EPM2A: variants seen among roughly 807,000 people sequenced by gnomAD.
EPM2A encodes laforin.
EPM2A carries 21 observed loss-of-function variants against 26.5 expected under a neutral mutation model. The ratio of observed to expected loss-of-function variants is 0.79; its 90% CI spans 0.56 to 1.14. EPM2A has a LOEUF of 1.14. EPM2A is among the 50% of genes most tolerant of loss of function. The pLI is 0.00. For missense variants in EPM2A, 458 were observed against 440.8 expected, an observed-to-expected ratio of 1.04 and a Z score of -0.35; for synonymous variants, 217 against 177.6, an observed-to-expected ratio of 1.22 and a Z score of -1.76.
intron 2 of EPM2A, among the ~76,000 whole-genome samples, chr6:145,570,213 C>G (rs1051726295): frequency 6.6e-6 from 1 of 152,106 alleles, no homozygotes; most frequent in Non-Finnish European, 1.5e-5. Context: ...TACTTTGTAC[C>G]CTTCAATCCA....
At chr6:145,644,850 T>G (rs1732320859) in intron 2 of EPM2A, among the ~76,000 whole-genome samples, 1 of 152,066 alleles carries the variant, frequency 6.6e-6, no homozygotes, top group African/African-American at 2.4e-5. Flanking sequence ...CCTCCTTAAA[T>G]TACCCAAGGA....
At chr6:145,426,517 G>T (rs535523071) in intron 4 of EPM2A, among the ~76,000 whole-genome samples, 118 of 152,140 alleles carry the variant, frequency 7.8e-4, no homozygotes, top group Non-Finnish European at 1.3e-3. Context: ...GATACTAAAG[G>T]GTTGAAAATA....
At chr6:145,424,868 C>T (rs1328197548) in intron 4 of EPM2A, among the ~76,000 whole-genome samples, 1 of 152,116 alleles carries the variant, frequency 6.6e-6, no homozygotes, top group Admixed American at 6.5e-5. Context: ...CTAGTAACCC[C>T]CTAGAACTAT....
Position 145,627,053 on chromosome 6 carries a change from G to A in EPM2A, c.*363C>T, listed in dbSNP as rs1307233541. On this transcript the variant is annotated 3_prime_UTR_variant, in exon 4 of 4. Coordinates refer to ENST00000367519, the MANE Select transcript of EPM2A (RefSeq NM_005670.4). ...TATCTTTTCCTCTACATGGCCAAGA[G>A]TTTCAGTGCAACAGGAAAGTGCTGT... The A allele has an allele frequency of 2.6e-6, 3 of 1,171,118 alleles. No homozygotes were observed. The African/African-American group carries it at 4.7e-5, about 19-fold the overall frequency. The allele number at this position is 1,171,118 out of a possible 1,614,324, so 72.5% of individuals were successfully genotyped here. A position where few individuals can be genotyped will look rare whatever the true frequency, so the allele number is the denominator to read the frequency against.
intron 4 of EPM2A, among the ~76,000 whole-genome samples, chr6:145,452,263 C>T (rs548644816): frequency 1.3e-5 from 2 of 152,246 alleles, no homozygotes; most frequent in African/African-American, 4.8e-5. Flanking sequence ...AAATCACGCT[C>T]TTTTTCTTTA....
chr6:145,579,906 C>T (rs753603726), intron 2 of EPM2A, among the ~76,000 whole-genome samples: 1 of 152,086 alleles, frequency 6.6e-6, no homozygotes, highest in Non-Finnish European at 1.5e-5. Context: ...TAACATATAA[C>T]AGTCTATATT....
At chr6:145,422,890 T>C (rs1778807758) in intron 4 of EPM2A, among the ~76,000 whole-genome samples, 1 of 152,078 alleles carries the variant, frequency 6.6e-6, no homozygotes, top group Admixed American at 6.5e-5. Context: ...CACTAAAAAT[T>C]TTTTTTCTAA....
At chr6:145,684,537 T>C (rs1344159868) in intron 2 of EPM2A, among the ~76,000 whole-genome samples, 1 of 152,202 alleles carries the variant, frequency 6.6e-6, no homozygotes, top group Non-Finnish European at 1.5e-5. Flanking sequence ...TCAATATTTT[T>C]GCTTCTTCTC....
chr6:145,639,265 T>G (rs1465495430), intron 2 of EPM2A: 2 of 152,140 alleles, frequency 1.3e-5, no homozygotes, highest in East Asian at 3.9e-4. Context: ...CTATAGACTA[T>G]TTGGAGGTAA....
chr6:145,621,447 A>G (rs1775631155), downstream of EPM2A, among the ~76,000 whole-genome samples: 1 of 152,206 alleles, frequency 6.6e-6, no homozygotes, highest in South Asian at 2.1e-4. Flanking sequence ...TACTTTGGAT[A>G]TATACCCAGA....
At chr6:145,483,131 T>C in intron 4 of EPM2A, among the ~76,000 whole-genome samples, 1 of 151,396 alleles carries the variant, frequency 6.6e-6, no homozygotes, top group East Asian at 1.9e-4. Flanking sequence ...TTTCTTTTTT[T>C]TTATTTTTTA....
intron 2 of EPM2A, among the ~76,000 whole-genome samples, chr6:145,508,623 A>C (rs1038319397): frequency 1.3e-5 from 2 of 152,222 alleles, no homozygotes; most frequent in African/African-American, 4.8e-5. Flanking sequence ...AAAAGAAATA[A>C]GGAGAAATGT....
At chr6:145,430,429 G>A (rs531443074) in intron 4 of EPM2A, among the ~76,000 whole-genome samples, 14 of 151,508 alleles carry the variant, frequency 9.2e-5, no homozygotes, top group East Asian at 3.9e-4. Context: ...GTGAAACCCC[G>A]TCTCTACTAA....
intron 4 of EPM2A, among the ~76,000 whole-genome samples, chr6:145,453,365 C>T (rs1433122276): frequency 2.0e-5 from 3 of 152,144 alleles, no homozygotes; most frequent in African/African-American, 7.2e-5. Context: ...GATGATTCCC[C>T]ATTCCCTGTT....
intron 2 of EPM2A, among the ~76,000 whole-genome samples, chr6:145,550,078 C>T (rs1457224639): frequency 6.6e-6 from 1 of 152,092 alleles, no homozygotes; most frequent in Non-Finnish European, 1.5e-5. Context: ...ACTCAAGAAA[C>T]GTCACCCAGA....
At chr6:145,513,574 T>C (rs1021400456) in intron 2 of EPM2A, among the ~76,000 whole-genome samples, 2 of 152,254 alleles carry the variant, frequency 1.3e-5, no homozygotes, top group Non-Finnish European at 2.9e-5. Context: ...GAAATTATTA[T>C]AGAAAAGTGA....
At chr6:145,432,498 G>GGC (rs1778934564) in intron 4 of EPM2A, among the ~76,000 whole-genome samples, 1 of 88,834 alleles carries the variant, frequency 1.1e-5, no homozygotes, top group Non-Finnish European at 2.7e-5. Context: ...AGTTTTTTGA[G>GGC]TCTTTTTTTT....
chr6:145,465,057 TC>T (rs2114719814), intron 4 of EPM2A, among the ~76,000 whole-genome samples: 1 of 149,924 alleles, frequency 6.7e-6, no homozygotes, highest in Admixed American at 6.8e-5. Context: ...CTGGATAATA[TC>T]CTGCAGAGTG....
At chr6:145,530,108 T>C (rs415590) in intron 2 of EPM2A, among the ~76,000 whole-genome samples, 67,881 of 151,998 alleles carry the variant, frequency 0.45, 15,205 homozygotes, top group South Asian at 0.58. Context: ...TGCTCCTTCC[T>C]CTGCCCAGTC....
Sources: gnomAD v4.1 joint callset for allele counts (sites outside exome capture counted in the v4.1 genomes callset) on GRCh38, gnomAD v4.1.1 for gene constraint, MANE v1.5 for transcripts, NCBI Gene and HGNC (gene_info 2026-07-23, HGNC 2026-07-21) for gene names.